The following CTNNA1 variants were observed in gnomAD, a reference collection of about 807,000 sequenced individuals.
CTNNA1 encodes the protein catenin alpha 1.
Under a neutral mutation model 98.4 loss-of-function variants are expected in CTNNA1, and 37 were observed. The observed-to-expected ratio is 0.38, with a 90% CI of 0.29 to 0.49. The LOEUF is 0.49. CTNNA1 is among the 20% of genes least tolerant of loss of function. The pLI, the probability that CTNNA1 is intolerant of heterozygous loss-of-function variation, is 0.95. For synonymous variants in CTNNA1, 404 were observed against 413.2 expected, an observed-to-expected ratio of 0.98 and a Z score of 0.27; for missense variants, 761 against 1,147.2, an observed-to-expected ratio of 0.66 and a Z score of 4.86.
chr5:138,778,240 C>T (rs894249670), intron 1 of CTNNA1, among the ~76,000 whole-genome samples: 9 of 151,966 alleles, frequency 5.9e-5, no homozygotes, highest in Admixed American at 2.0e-4. Context: ...GTGATCCACC[C>T]GCCTTGGCCT....
intron 6 of CTNNA1, among the ~76,000 whole-genome samples, chr5:138,825,303 G>A (rs957656545): frequency 5.3e-5 from 8 of 152,114 alleles, no homozygotes; most frequent in Non-Finnish European, 2.9e-5. Flanking sequence ...ATTTAATCAA[G>A]TGGAAGCAAA....
At chr5:138,877,326 T>A (rs1366542122) in intron 7 of CTNNA1, among the ~76,000 whole-genome samples, 2 of 152,218 alleles carry the variant, frequency 1.3e-5, no homozygotes, top group African/African-American at 4.8e-5. Flanking sequence ...GTGGATAAGG[T>A]TGAGTCCGAT....
intron 9 of CTNNA1, among the ~76,000 whole-genome samples, chr5:138,901,440 A>G (rs1758008349): frequency 6.6e-6 from 1 of 152,170 alleles, no homozygotes; most frequent in African/African-American, 2.4e-5. Flanking sequence ...TATTACAAGC[A>G]TGAGCCACCA....
intron 3 of CTNNA1, among the ~76,000 whole-genome samples, chr5:138,790,558 G>T (rs933779070): frequency 6.6e-6 from 1 of 152,134 alleles, no homozygotes; most frequent in Admixed American, 6.5e-5. Flanking sequence ...ATTTGTTGAA[G>T]CCCTGTTATT....
intron 1 of CTNNA1, among the ~76,000 whole-genome samples, chr5:138,776,574 G>A (rs1320074667): frequency 1.3e-5 from 2 of 152,196 alleles, no homozygotes; most frequent in African/African-American, 4.8e-5. Flanking sequence ...CCTCCCAGAC[G>A]GGGTGGTGGC....
At chr5:138,891,745 C>T (rs565105839) in intron 9 of CTNNA1, among the ~76,000 whole-genome samples, 6 of 152,068 alleles carry the variant, frequency 3.9e-5, no homozygotes, top group South Asian at 4.1e-4. Flanking sequence ...GGTGACAGAG[C>T]GAGACGCCGT....
At chr5:138,897,396 A>G (rs1203799562) in intron 9 of CTNNA1, among the ~76,000 whole-genome samples, 1 of 146,442 alleles carries the variant, frequency 6.8e-6, no homozygotes, top group Non-Finnish European at 1.5e-5. Context: ...TTTTAACTGC[A>G]AATTGGATGA....
chr5:138,780,355 A>G (rs1446015637), intron 1 of CTNNA1, among the ~76,000 whole-genome samples: 1 of 150,146 alleles, frequency 6.7e-6, no homozygotes, highest in Non-Finnish European at 1.5e-5. Context: ...GCGCCTGGCT[A>G]ATTTTTTTTT....
intron 7 of CTNNA1, among the ~76,000 whole-genome samples, chr5:138,865,236 A>G (rs1764650094): frequency 6.6e-6 from 1 of 152,182 alleles, no homozygotes; most frequent in South Asian, 2.1e-4. Context: ...GATGTGATAA[A>G]GAGGAAACAC....
At chr5:138,819,214 G>C (rs1210263633) in intron 5 of CTNNA1, among the ~76,000 whole-genome samples, 2 of 152,158 alleles carry the variant, frequency 1.3e-5, no homozygotes, top group East Asian at 3.9e-4. Flanking sequence ...TAGGCCCCCG[G>C]ATGGTGGAGC....
At chr5:138,875,516 T>C (rs1437332634) in intron 7 of CTNNA1, 1 of 985,326 alleles carries the variant, frequency 1.0e-6, no homozygotes. Flanking sequence ...AACTCCTGAC[T>C]TAAAAACATG....
At chr5:138,913,583 CA>C (rs66895615) in intron 10 of CTNNA1, among the ~76,000 whole-genome samples, 48,836 of 129,894 alleles carry the variant, frequency 0.38, 8,425 homozygotes, top group African/African-American at 0.51. Context: ...GACCCTGTCT[CA>C]AAAAAAAAAA....
At chr5:138,871,161 C>T (rs1343539684) in intron 7 of CTNNA1, 1 of 152,030 alleles carries the variant, frequency 6.6e-6, no homozygotes, top group Non-Finnish European at 1.5e-5. Context: ...CAGTTTGATC[C>T]TGGGAAGAAA....
intron 7 of CTNNA1, among the ~76,000 whole-genome samples, chr5:138,852,936 C>G (rs554139071): frequency 6.6e-6 from 1 of 151,732 alleles, no homozygotes; most frequent in Non-Finnish European, 1.5e-5. Flanking sequence ...CAAATGTTCA[C>G]AAACCTGCAT....
rs911094812 is a variant in CTNNA1 at position 138,776,496 on chromosome 5, C to T, written c.-2-5427C>T. 1.2e-3 allele frequency among the ~76,000 whole-genome samples: 187 copies of T among 152,346 alleles called. 3 individuals are homozygous for T. The highest frequency in any genetic ancestry group is 7.1e-4 in the Non-Finnish European group (48 of 68,034). On this transcript the variant is annotated intron_variant, in intron 1 of 17. Coordinates refer to ENST00000302763, the MANE Select transcript of CTNNA1 (RefSeq NM_001903.5). ...ATTTATCAATCCTTTGCCCGCCTTT[C>T]CCCCCTTTTCTATTCCACAAAACCG...
chr5:138,776,234 G>T (rs1416645220), intron 1 of CTNNA1, among the ~76,000 whole-genome samples: 1 of 151,742 alleles, frequency 6.6e-6, no homozygotes, highest in Non-Finnish European at 1.5e-5. Context: ...AGATTAGGGA[G>T]TGGTGATGAC....
At chr5:138,776,818 C>G (rs1368388742) in intron 1 of CTNNA1, among the ~76,000 whole-genome samples, 1 of 140,108 alleles carries the variant, frequency 7.1e-6, no homozygotes, top group Admixed American at 6.9e-5. Context: ...CCCCACCTCC[C>G]TCCCGGACGG....
chr5:138,811,249 C>T (rs1268171462), intron 4 of CTNNA1, among the ~76,000 whole-genome samples: 17 of 143,294 alleles, frequency 1.2e-4, no homozygotes, highest in South Asian at 2.3e-4. Context: ...GGGTCGCGGC[C>T]GGGCAGAGGC....
chr5:138,916,004 G>T (rs1007483395), intron 10 of CTNNA1, among the ~76,000 whole-genome samples: 1 of 152,006 alleles, frequency 6.6e-6, no homozygotes, highest in Admixed American at 6.5e-5. Flanking sequence ...AGCTGAGATC[G>T]CGCCACTGCT....
Sources: gnomAD v4.1 joint callset for allele counts (sites outside exome capture counted in the v4.1 genomes callset) on GRCh38, gnomAD v4.1.1 for gene constraint, MANE v1.5 for transcripts, NCBI Gene and HGNC (gene_info 2026-07-23, HGNC 2026-07-21) for gene names.